CTNNA2: variants seen among roughly 807,000 people sequenced by gnomAD.
CTNNA2 encodes the protein catenin alpha-2.
Under a neutral mutation model 101.0 loss-of-function variants are expected in CTNNA2, and 42 were observed. That is an observed-to-expected ratio of 0.42 (90% CI 0.32 to 0.54). The LOEUF (loss-of-function observed/expected upper bound fraction) is 0.54. Ranked by LOEUF, CTNNA2 falls within the 20% of genes least tolerant of loss-of-function variation. The pLI, the probability that CTNNA2 is intolerant of heterozygous loss-of-function variation, is 0.14. For missense variants in CTNNA2, 871 were observed against 1,223.1 expected (o/e 0.71, Z 4.29); for synonymous variants, 450 against 456.4 (o/e 0.99, Z 0.18).
intron 1 of CTNNA2, among the ~76,000 whole-genome samples, chr2:79,516,564 T>A (rs1671818091): frequency 6.6e-6 from 1 of 152,094 alleles, no homozygotes; most frequent in Non-Finnish European, 1.5e-5. Context: ...AAAGGTAGAG[T>A]ACATACAGTC....
intron 4 of CTNNA2, among the ~76,000 whole-genome samples, chr2:79,475,679 C>CATTTTT (rs10626335): frequency 1.9e-4 from 29 of 149,686 alleles, no homozygotes; most frequent in Non-Finnish European, 2.2e-4. Context: ...TCTTTGAATA[C>CATTTTT]TTTTTTTTTT....
intron 2 of CTNNA2, among the ~76,000 whole-genome samples, chr2:79,298,463 T>C (rs1676033646): frequency 6.6e-6 from 1 of 152,168 alleles, no homozygotes; most frequent in Non-Finnish European, 1.5e-5. Flanking sequence ...ACATCACCGC[T>C]ACAACATTTG....
At chr2:79,393,234 G>A (rs1403204490) in intron 4 of CTNNA2, among the ~76,000 whole-genome samples, 1 of 152,112 alleles carries the variant, frequency 6.6e-6, no homozygotes, top group Non-Finnish European at 1.5e-5. Flanking sequence ...AGAACACCAG[G>A]TAGCAGCATC....
intron 9 of CTNNA2, among the ~76,000 whole-genome samples, chr2:80,477,539 C>T (rs769282901): frequency 2.6e-5 from 4 of 151,956 alleles, no homozygotes; most frequent in Admixed American, 6.6e-5. Context: ...AGTCTCCATT[C>T]GTTATACTAC....
intron 1 of CTNNA2, among the ~76,000 whole-genome samples, chr2:79,553,432 C>G (rs1185614848): frequency 1.3e-5 from 2 of 152,174 alleles, no homozygotes; most frequent in African/African-American, 4.8e-5. Flanking sequence ...GTGCCCCACT[C>G]CTGGTATGAA....
At chr2:79,260,611 C>T (rs896416337) in intron 2 of CTNNA2, among the ~76,000 whole-genome samples, 7 of 152,236 alleles carry the variant, frequency 4.6e-5, no homozygotes, top group Middle Eastern at 3.4e-3. Context: ...CTGAACATTA[C>T]ATTCGTTATC....
At chr2:79,204,396 AT>A (rs1308995250) in intron 2 of CTNNA2, among the ~76,000 whole-genome samples, 2 of 152,080 alleles carry the variant, frequency 1.3e-5, no homozygotes, top group Non-Finnish European at 2.9e-5. Flanking sequence ...CCAGTGCTTA[AT>A]TTTTTATGGA....
chr2:79,538,378 T>C (rs765859955), intron 1 of CTNNA2, among the ~76,000 whole-genome samples: 3 of 152,230 alleles, frequency 2.0e-5, no homozygotes, highest in Non-Finnish European at 4.4e-5. Flanking sequence ...TATTTATTTA[T>C]TGTTGTTGTT....
intron 3 of CTNNA2, among the ~76,000 whole-genome samples, chr2:79,836,737 C>T (rs1374283406): frequency 6.6e-6 from 1 of 152,052 alleles, no homozygotes; most frequent in Admixed American, 6.6e-5. Context: ...GTGATCTCCC[C>T]TTGTATTCTG....
intron 2 of CTNNA2, among the ~76,000 whole-genome samples, chr2:79,725,457 A>G (rs1686776215): frequency 6.6e-6 from 1 of 152,232 alleles, no homozygotes; most frequent in South Asian, 2.1e-4. Context: ...CACATGCTCC[A>G]AGAGTGTTCT....
intron 9 of CTNNA2, among the ~76,000 whole-genome samples, chr2:80,476,445 T>C (rs1452730296): frequency 1.3e-5 from 2 of 152,182 alleles, no homozygotes; most frequent in Non-Finnish European, 2.9e-5. Context: ...AACTCAGTGT[T>C]TGACAATCAG....
At chr2:80,290,985 T>C (rs971399328) in intron 7 of CTNNA2, among the ~76,000 whole-genome samples, 8 of 152,244 alleles carry the variant, frequency 5.3e-5, no homozygotes, top group Non-Finnish European at 2.9e-5. Context: ...GGTTTCACTA[T>C]GGCCAAAGCA....
chr2:80,104,981 G>A (rs1248571585), intron 7 of CTNNA2, among the ~76,000 whole-genome samples: 1 of 152,106 alleles, frequency 6.6e-6, no homozygotes, highest in East Asian at 1.9e-4. Flanking sequence ...AATGGATGAT[G>A]GTAAACTTGC....
chr2:79,948,270 CG>C (rs1418064733), intron 7 of CTNNA2, among the ~76,000 whole-genome samples: 1 of 152,118 alleles, frequency 6.6e-6, no homozygotes. Flanking sequence ...CCATGGTTGC[CG>C]GCTGGTATAT....
intron 6 of CTNNA2, among the ~76,000 whole-genome samples, chr2:79,898,167 T>C (rs576546668): frequency 6.6e-6 from 1 of 152,234 alleles, no homozygotes; most frequent in African/African-American, 2.4e-5. Context: ...GGAGTCTCAC[T>C]TTGTCACCCA....
intron 1 of CTNNA2, among the ~76,000 whole-genome samples, chr2:79,627,881 C>A (rs532162023): frequency 6.6e-6 from 1 of 152,104 alleles, no homozygotes; most frequent in Non-Finnish European, 1.5e-5. Flanking sequence ...TCAAAACAGA[C>A]ATTTTATTTA....
In CTNNA2 at chr2:79,484,841, T is replaced by G. The variant is rs76996499; in HGVS notation, c.-134-20213T>G. ...TCTTGCTTGATAATTCCTTAAGATT[T>G]CCATTAGTTGAATGTCATTTTCTGT... is the stretch of plus-strand genomic sequence containing the variant. On this transcript the variant is annotated intron_variant, in intron 4 of 21. Transcript: ENST00000466387. Among the ~76,000 whole-genome samples, 1,648 of 152,278 alleles carry G rather than the reference T, an allele frequency of 0.011. 81 individuals are homozygous for G. In the East Asian group the frequency reaches 0.13, roughly 12 times the overall value.
Position 79,668,112 on chromosome 2 carries a change from C to T in CTNNA2, c.102+16454C>T, listed in dbSNP as rs561093891. 3.1e-4 allele frequency among the ~76,000 whole-genome samples: 47 copies of T among 150,920 alleles called. 1 individual carries two copies. Among genetic ancestry groups the T allele is most frequent in the Admixed American group, 1.1e-3 (17 of 15,186 alleles). ...AAAATTAGCCGGGCGCGGTGGCGGG[C>T]GCCTGTAGTCCCAGCTACTCGGGAG... is the stretch of plus-strand genomic sequence containing the variant. On this transcript the variant is annotated intron_variant, in intron 2 of 18. Coordinates refer to ENST00000402739, the MANE Select transcript of CTNNA2 (RefSeq NM_001282597.3).
chr2:79,268,730 G>A (rs1240542354), intron 2 of CTNNA2, among the ~76,000 whole-genome samples: 1 of 152,096 alleles, frequency 6.6e-6, no homozygotes, highest in African/African-American at 2.4e-5. Flanking sequence ...AGAACTGATT[G>A]CGTGGGTGGT....
Sources: allele counts gnomAD v4.1 joint callset (sites outside exome capture counted in the v4.1 genomes callset), GRCh38; gene constraint gnomAD v4.1.1; transcripts MANE v1.5; gene names NCBI Gene and HGNC (gene_info 2026-07-23, HGNC 2026-07-21).